Variants in CD1A observed in about 807,000 individuals in gnomAD.
CD1A encodes the protein T-cell surface glycoprotein CD1a.
In CD1A, 50 loss-of-function variants were observed where a neutral mutation model predicts 38.3. The observed-to-expected ratio is 1.30, with a 90% CI of 1.04 to 1.65. CD1A has a LOEUF of 1.65. Among genes scored for constraint, CD1A ranks in the 40% most tolerant of loss-of-function variants. The pLI is 0.00. For missense variants in CD1A, 459 were observed against 406.1 expected (o/e 1.13, Z -1.12); for synonymous variants, 160 against 150.8 (o/e 1.06, Z -0.45).
Position 158,254,722 on chromosome 1 carries a change from C to T in CD1A, c.53C>T (p.Ala18Val). ...LLAVLPGDGN[A>V]DGLKEPLSFH... is the part of the protein sequence containing the mutation. The stretch of plus-strand genomic sequence containing the variant: ...GCTGTTCTCCCAGGTGATGGCAATG[C>T]AGACGGTAAGAACTCTGACAACTGC... Residue 18 changes from alanine (A) to valine (V), a missense_variant, in exon 1 of 6, where the codon GCA becomes GTA. Coordinates refer to ENST00000289429, the MANE Select transcript of CD1A (RefSeq NM_001763.3). 6.2e-7 allele frequency: 1 copy of T among 1,611,370 alleles called. No homozygotes were observed. Among genetic ancestry groups the T allele is most frequent in the Non-Finnish European group, 8.5e-7 (1 of 1,177,756 alleles).
At position 158,256,089 on chromosome 1, in the gene CD1A, A is replaced by G; in HGVS notation, c.411A>G (p.Gly137=). The part of the protein sequence containing the change: ...SGSFLQLAYQ[G]SDFVSFQNNS... ...GCTTCTTGCAGTTAGCTTATCAAGGATCAGACTTTGTGAGCTTCCAGAACA... is the reference window on the plus strand; with the variant it reads ...GCTTCTTGCAGTTAGCTTATCAAGGGTCAGACTTTGTGAGCTTCCAGAACA... Residue 137 remains glycine (G), a synonymous_variant, in exon 3 of 6, where the codon GGA becomes GGG. Transcript: ENST00000289429. 1 of 1,614,206 alleles carries G rather than the reference A, an allele frequency of 6.2e-7. No homozygotes were observed. The highest frequency in any genetic ancestry group is 8.5e-7 in the Non-Finnish European group (1 of 1,180,028).
At position 158,255,446 on chromosome 1, in the gene CD1A, G is replaced by C. The variant is rs193227561; in HGVS notation, c.325+96G>C. On this transcript the variant is annotated intron_variant, in intron 2 of 5. Transcript: ENST00000289429. ...TTAGGAAACAGCCTGACTCTCTTCT[G>C]TATCTTATTCTATTCTTTCCACCAT... 2.0e-4 allele frequency: 261 copies of C among 1,291,108 alleles called. 1 individual carries two copies. The Middle Eastern group carries it at 4.0e-3, about 20-fold the overall frequency. 80.0% of individuals were successfully genotyped at this position (1,291,108 alleles called of 1,614,324 possible).
intron 2 of CD1A, among the ~76,000 whole-genome samples, chr1:158,255,577 C>G (rs1396227338): frequency 1.3e-5 from 2 of 152,162 alleles, no homozygotes; most frequent in African/African-American, 4.8e-5. Flanking sequence ...CAGGGTTGTG[C>G]ATTATTATCT....
chr1:158,253,452 T>C (rs1650139684), upstream of CD1A, among the ~76,000 whole-genome samples: 2 of 152,214 alleles, frequency 1.3e-5, no homozygotes, highest in Non-Finnish European at 1.5e-5. Flanking sequence ...TGCCAGTAAC[T>C]TGTACTTTTA....
chr1:158,249,451 T>TA (rs1430568725), upstream of CD1A, among the ~76,000 whole-genome samples: 1 of 152,118 alleles, frequency 6.6e-6, no homozygotes, highest in Non-Finnish European at 1.5e-5. Flanking sequence ...GGGTCTCTTA[T>TA]AAGGGAACTG....
chr1:158,248,571 T>C, the CD1A span, among the ~76,000 whole-genome samples: 1 of 152,136 alleles, frequency 6.6e-6, no homozygotes, highest in African/African-American at 2.4e-5. Flanking sequence ...AGGGTATATG[T>C]TATTCACACT....
rs368377415 is a variant in CD1A at position 158,257,710 on chromosome 1, C to T, written c.*20C>T. On this transcript the variant is annotated 3_prime_UTR_variant, in exon 6 of 6. Coordinates refer to ENST00000289429, the MANE Select transcript of CD1A (RefSeq NM_001763.3). ...TGTTAAGACACACCATGAGCCTCCT[C>T]GTCACCCTTCTCCTTTTGGGGTGAG... The T allele has an allele frequency of 1.4e-4, 218 of 1,612,664 alleles. 2 individuals carry two copies. Among genetic ancestry groups the T allele is most frequent in the Middle Eastern group, 8.2e-4 (5 of 6,078 alleles).
chr1:158,257,465 C>A lies in CD1A; in HGVS notation c.928C>A (p.Pro310Thr). 1 of 1,614,068 alleles carries A rather than the reference C, an allele frequency of 6.2e-7. No individual in the cohort carries two copies. Among genetic ancestry groups the A allele is most frequent in the Non-Finnish European group, 8.5e-7 (1 of 1,179,952 alleles). Residue 310 changes from proline (P) to threonine (T), a missense_variant, in exon 5 of 6, where the codon CCT becomes ACT. Pro to Thr is a conservative substitution (Grantham distance 38). Transcript: ENST00000289429. ...CTTCATCATCTTGGCGGTGATAGTG[C>A]CTTTACTTCTTCTGATAGGTCTTGC... is the stretch of plus-strand genomic sequence containing the variant. ...VGFIILAVIV[P>T]LLLLIGLALW...
In CD1A at chr1:158,257,864, C is replaced by G. The variant is rs41273479; in HGVS notation, c.*174C>G. The G allele has an allele frequency of 1.0e-2, 6,202 of 623,150 alleles. 50 individuals carry two copies. The highest frequency in any genetic ancestry group is 0.012 in the Non-Finnish European group (4,297 of 351,188). 38.6% of individuals were successfully genotyped at this position (623,150 alleles called of 1,614,324 possible). ...TAATGATTGTTTGTCAATATAAGCT[C>G]AATTTAATTTTGCAGGATTTGTTGT... On this transcript the variant is annotated 3_prime_UTR_variant, in exon 6 of 6. Coordinates refer to ENST00000289429, the MANE Select transcript of CD1A (RefSeq NM_001763.3).
chr1:158,250,839 G>T (rs1196517295), upstream of CD1A, among the ~76,000 whole-genome samples: 1 of 152,176 alleles, frequency 6.6e-6, no homozygotes, highest in Non-Finnish European at 1.5e-5. Flanking sequence ...TTTTAAAAGA[G>T]CTTTTTAAGG....
chr1:158,252,652 A>G (rs1215458597), upstream of CD1A, among the ~76,000 whole-genome samples: 1 of 149,462 alleles, frequency 6.7e-6, no homozygotes, highest in African/African-American at 2.5e-5. Context: ...ATTATCTGTA[A>G]TCCCAGCACT....
chr1:158,252,032 T>C (rs1650101859), upstream of CD1A, among the ~76,000 whole-genome samples: 1 of 152,122 alleles, frequency 6.6e-6, no homozygotes, highest in Non-Finnish European at 1.5e-5. Context: ...GGTTGCACCA[T>C]GTTGGCCAGG....
chr1:158,248,516 A>T, the CD1A span: 2 of 586,322 alleles, frequency 3.4e-6, no homozygotes, highest in Non-Finnish European at 4.3e-6. Context: ...AAGAATATGG[A>T]CTTGCCTAGG....
At chr1:158,249,187 T>C in the CD1A span, among the ~76,000 whole-genome samples, 11 of 152,186 alleles carry the variant, frequency 7.2e-5, no homozygotes, top group African/African-American at 2.4e-4. Context: ...TATTCAACGG[T>C]GTAGGCCACA....
intron 4 of CD1A, 135 bp downstream of exon 4, chr1:158,257,199 G>A (rs1268627584): frequency 8.0e-7 from 1 of 1,243,436 alleles, no homozygotes; most frequent in Non-Finnish European, 1.1e-6. Context: ...CTAAGAAATG[G>A]AAATGTTGAA....
upstream of CD1A, among the ~76,000 whole-genome samples, chr1:158,253,311 A>G (rs1648612834): frequency 6.6e-6 from 1 of 152,170 alleles, no homozygotes; most frequent in Admixed American, 6.5e-5. Context: ...GAAACATCCA[A>G]ATAGGACTAA....
chr1:158,256,952 T>G lies in CD1A; in HGVS notation c.771T>G (p.Asp257Glu). The part of the protein sequence containing the change: ...TQRGDILPSA[D>E]GTWYLRATLE... ...GAGGGGACATCTTGCCCAGTGCTGA[T>G]GGGACATGGTATCTCCGCGCAACCC... The change falls in exon 4 of 6, where the codon GAT becomes GAG. Residue 257 changes from aspartate to glutamate, a missense_variant. Transcript: ENST00000289429. 4 of 1,614,140 alleles carry G rather than the reference T, an allele frequency of 2.5e-6. No homozygotes were observed. The highest frequency in any genetic ancestry group is 3.4e-6 in the Non-Finnish European group (4 of 1,180,020).
Position 158,256,933 on chromosome 1 carries a change from A to T in CD1A, c.752A>T (p.Asp251Val). Residue 251 changes from aspartate to valine, a missense_variant, in exon 4 of 6, where the codon GAC (aspartate) becomes GTC (valine). Physicochemically the swap from Asp to Val is radical, Grantham distance 152 (BLOSUM62 -3). Transcript: ENST00000289429. ...GAGCAGCAGGGCACTCAGCGAGGGG[A>T]CATCTTGCCCAGTGCTGATGGGACA... is the stretch of plus-strand genomic sequence containing the variant. The part of the protein sequence containing the change: ...EQEQQGTQRG[D>V]ILPSADGTWY... The T allele has an allele frequency of 6.2e-7, 1 of 1,614,164 alleles. No individual in the cohort carries two copies. The highest frequency in any genetic ancestry group is 8.5e-7 in the Non-Finnish European group (1 of 1,180,030).
chr1:158,255,294 G>T lies in CD1A; in HGVS notation c.269G>T (p.Arg90Leu). ...WKELETLFRI[R>L]TIRSFEGIRR... ...GAACTGGAAACATTATTCCGTATAC[G>T]CACCATTCGGTCATTTGAGGGAATT... is the stretch of plus-strand genomic sequence containing the variant. The change falls in exon 2 of 6, where the codon CGC becomes CTC. Residue 90 changes from arginine (R) to leucine (L), a missense_variant. Arg to Leu is a moderately radical substitution (Grantham distance 102). Transcript: ENST00000289429. The T allele has an allele frequency of 3.1e-6, 5 of 1,614,066 alleles. No individual in the cohort carries two copies. The highest frequency in any genetic ancestry group is 4.2e-6 in the Non-Finnish European group (5 of 1,179,984).
Sources: allele counts gnomAD v4.1 joint callset (sites outside exome capture counted in the v4.1 genomes callset), GRCh38; gene constraint gnomAD v4.1.1; transcripts MANE v1.5; gene names NCBI Gene and HGNC (gene_info 2026-07-23, HGNC 2026-07-21).